Variants in SNX9 observed in about 807,000 individuals in gnomAD.
SNX9 encodes sorting nexin 9.
A neutral mutation model predicts 89.4 loss-of-function variants in SNX9; 44 were observed. The ratio of observed to expected loss-of-function variants is 0.49; its 90% CI spans 0.39 to 0.63. The LOEUF is 0.63. Among genes scored for constraint, SNX9 ranks in the 30% least tolerant of loss-of-function variants. The pLI is 0.00. For synonymous variants in SNX9, 236 were observed against 247.8 expected (o/e 0.95, Z 0.45); for missense variants, 578 against 736.1 (o/e 0.79, Z 2.49).
intron 13 of SNX9, among the ~76,000 whole-genome samples, chr6:157,932,531 A>G (rs1298766134): frequency 6.6e-6 from 1 of 152,060 alleles, no homozygotes; most frequent in Non-Finnish European, 1.5e-5. Flanking sequence ...TTTTGTTTCA[A>G]TGCCATCAGT....
At chr6:157,880,628 CCCTAA>C (rs1052952773) in intron 4 of SNX9, among the ~76,000 whole-genome samples, 1 of 152,198 alleles carries the variant, frequency 6.6e-6, no homozygotes, top group Non-Finnish European at 1.5e-5. Context: ...TGCTTTAAAA[CCCTAA>C]CCGAGTGCCA....
At position 157,840,434 on chromosome 6, in the gene SNX9, T is replaced by TTTCC. The variant is rs1554291579; in HGVS notation, c.12+16991_12+16994dup. 8.2e-5 allele frequency among the ~76,000 whole-genome samples: 12 copies of TTTCC among 146,374 alleles called. 1 individual carries two copies. The highest frequency in any genetic ancestry group is 1.2e-4 in the Non-Finnish European group (8 of 67,156). On this transcript the variant is annotated intron_variant, in intron 1 of 17. Transcript: ENST00000392185. ...TTCTTTCTTTCTTTTCTTTCTTTTC[T>TTTCC]TTCCTTTCTTTCCTTTCCTTCCTTC...
At chr6:157,940,572 C>G (rs1027134904) in intron 16 of SNX9, among the ~76,000 whole-genome samples, 1 of 152,222 alleles carries the variant, frequency 6.6e-6, no homozygotes, top group Non-Finnish European at 1.5e-5. Context: ...CACCTGTTGC[C>G]ATGCCCGGCT....
chr6:157,872,791 A>G (rs960337501), intron 2 of SNX9: 1 of 179,566 alleles, frequency 5.6e-6, no homozygotes, highest in African/African-American at 2.4e-5. Context: ...CTTCACATTC[A>G]GAGCTGCAAG....
intron 1 of SNX9, among the ~76,000 whole-genome samples, chr6:157,862,339 A>G (rs148481939): frequency 6.6e-6 from 1 of 152,328 alleles, no homozygotes; most frequent in East Asian, 1.9e-4. Flanking sequence ...GTTAAATATT[A>G]TACAATTTTG....
At chr6:157,884,948 G>A (rs1015369378) in intron 4 of SNX9, among the ~76,000 whole-genome samples, 1 of 152,086 alleles carries the variant, frequency 6.6e-6, no homozygotes, top group Admixed American at 6.5e-5. Flanking sequence ...CAGTGTAAAA[G>A]CTTATTTCAC....
intron 1 of SNX9, among the ~76,000 whole-genome samples, chr6:157,865,908 G>A (rs1200921571): frequency 7.0e-6 from 1 of 142,930 alleles, no homozygotes; most frequent in Non-Finnish European, 1.5e-5. Context: ...CATTAGCCCT[G>A]TTAGACTAGC....
intron 13 of SNX9, among the ~76,000 whole-genome samples, chr6:157,932,866 C>CA (rs10545432): frequency 0.035 from 1,380 of 39,142 alleles, 199 homozygotes; most frequent in African/African-American, 0.069. Flanking sequence ...GACCCTGTCT[C>CA]AAAAAAAAAA....
At chr6:157,930,641 C>T (rs1378001109) in intron 12 of SNX9, among the ~76,000 whole-genome samples, 2 of 152,192 alleles carry the variant, frequency 1.3e-5, no homozygotes, top group Non-Finnish European at 2.9e-5. Flanking sequence ...GCCACGCATA[C>T]AAGCTTGTGA....
In SNX9 at chr6:157,826,813, T is replaced by A. The variant is rs1328423199; in HGVS notation, c.12+3367T>A. On this transcript the variant is annotated intron_variant, in intron 1 of 17. Transcript: ENST00000392185. ...ATATATATATATTATATTTTATATA[T>A]AAATATATATTATATTTTATATATA... Among the ~76,000 whole-genome samples, 7 of 111,966 alleles carry A rather than the reference T, an allele frequency of 6.3e-5. 1 individual carries two copies. Among genetic ancestry groups the A allele is most frequent in the African/African-American group, 1.5e-4 (3 of 20,662 alleles). The allele number at this position is 111,966 out of a possible 152,430, so 73.5% of individuals were successfully genotyped here.
At chr6:157,926,200 G>T (rs936097884) in intron 10 of SNX9, among the ~76,000 whole-genome samples, 1 of 152,178 alleles carries the variant, frequency 6.6e-6, no homozygotes, top group Non-Finnish European at 1.5e-5. Context: ...GAGATTACCG[G>T]TTACCTTTGT....
At chr6:157,850,311 G>A (rs768332921) in intron 1 of SNX9, among the ~76,000 whole-genome samples, 3 of 152,210 alleles carry the variant, frequency 2.0e-5, no homozygotes, top group Non-Finnish European at 4.4e-5. Context: ...AGCAGATGAA[G>A]TAGACCCGGG....
At chr6:157,940,779 A>C in intron 16 of SNX9, 104 bp from the exon 17 acceptor site, 1 of 983,004 alleles carries the variant, frequency 1.0e-6, no homozygotes, top group Middle Eastern at 2.7e-4. Flanking sequence ...GCAGCCAACC[A>C]GATTAGGTCA....
intron 1 of SNX9, among the ~76,000 whole-genome samples, chr6:157,825,204 C>T (rs866897327): frequency 6.6e-6 from 1 of 152,092 alleles, no homozygotes; most frequent in Non-Finnish European, 1.5e-5. Flanking sequence ...TCCGAGATCG[C>T]GCCACTGCAC....
chr6:157,862,525 T>G (rs763219993), intron 1 of SNX9, among the ~76,000 whole-genome samples: 2 of 152,214 alleles, frequency 1.3e-5, no homozygotes, highest in Non-Finnish European at 2.9e-5. Flanking sequence ...TACTTTTCTG[T>G]TTTAAAGATG....
At chr6:157,835,361 TA>T (rs1781562321) in intron 1 of SNX9, among the ~76,000 whole-genome samples, 1 of 151,804 alleles carries the variant, frequency 6.6e-6, no homozygotes, top group South Asian at 2.1e-4. Flanking sequence ...GTTCAATTAC[TA>T]TATAATGACC....
intron 7 of SNX9, among the ~76,000 whole-genome samples, chr6:157,907,477 G>C (rs186879786): frequency 9.7e-4 from 147 of 152,210 alleles, no homozygotes; most frequent in African/African-American, 3.4e-3. Context: ...GTAGAGACGG[G>C]GTTTCACCAT....
intron 1 of SNX9, among the ~76,000 whole-genome samples, chr6:157,852,956 T>C (rs533075770): frequency 1.3e-5 from 2 of 152,306 alleles, no homozygotes; most frequent in African/African-American, 4.8e-5. Context: ...GTCAGTTATC[T>C]TCTTAGTTTT....
chr6:157,857,330 A>G (rs561178158), intron 1 of SNX9, among the ~76,000 whole-genome samples: 2 of 152,164 alleles, frequency 1.3e-5, no homozygotes, highest in South Asian at 4.2e-4. Context: ...TGTATGTTTT[A>G]TATGGGATTC....
Sources: gnomAD v4.1 joint callset for allele counts (sites outside exome capture counted in the v4.1 genomes callset) on GRCh38, gnomAD v4.1.1 for gene constraint, MANE v1.5 for transcripts, NCBI Gene and HGNC (gene_info 2026-07-23, HGNC 2026-07-21) for gene names.